ZC3H11A: variants seen among roughly 807,000 people sequenced by gnomAD.
The protein encoded by ZC3H11A is zinc finger CCCH domain-containing protein 11A.
A neutral mutation model predicts 90.8 loss-of-function variants in ZC3H11A; 22 were observed. That is an observed-to-expected ratio of 0.24 (90% CI 0.17 to 0.35). The LOEUF (loss-of-function observed/expected upper bound fraction) is 0.35, where lower values mean the gene tolerates loss of function less well. Ranked by LOEUF, ZC3H11A falls within the 10% of genes least tolerant of loss-of-function variation. ZC3H11A has a pLI of 1.00. For missense variants in ZC3H11A, 701 were observed against 964.9 expected, an observed-to-expected ratio of 0.73 and a Z score of 3.62; for synonymous variants, 294 against 339.8, an observed-to-expected ratio of 0.87 and a Z score of 1.48.
chr1:203,831,638 G>A, intron 8 of ZC3H11A, 23 bp from the exon 9 acceptor site: 2 of 1,593,854 alleles, frequency 1.3e-6, no homozygotes, highest in Non-Finnish European at 1.7e-6. Context: ...ATTATTTGCT[G>A]TTCTTTGACT....
At chr1:203,834,183 G>GT (rs1281911934) in intron 10 of ZC3H11A, 11 of 621,524 alleles carry the variant, frequency 1.8e-5, no homozygotes, top group Non-Finnish European at 2.2e-5. Flanking sequence ...AATATAATGT[G>GT]TGTCTCTTAG....
chr1:203,818,075 G>A (rs12049605), intron 3 of ZC3H11A, among the ~76,000 whole-genome samples: 28,917 of 152,014 alleles, frequency 0.19, 3,401 homozygotes, highest in East Asian at 0.45. Flanking sequence ...TGAGTTTTGA[G>A]CAAAGCTGTG....
chr1:203,798,068 T>G, intron 1 of ZC3H11A: 1 of 1,536,078 alleles, frequency 6.5e-7, no homozygotes. Context: ...GGCATTCACC[T>G]CATTGGACCA....
intron 16 of ZC3H11A, 28 bp from the exon 17 acceptor site, chr1:203,851,029 C>G (rs1392072529): frequency 6.2e-7 from 1 of 1,611,304 alleles, no homozygotes; most frequent in South Asian, 1.1e-5. Flanking sequence ...CTGACTCTCA[C>G]TGAATTACCT....
chr1:203,810,273 G>T (rs981019334), intron 2 of ZC3H11A, among the ~76,000 whole-genome samples: 2 of 151,902 alleles, frequency 1.3e-5, no homozygotes, highest in African/African-American at 4.8e-5. Flanking sequence ...ACTGCACCTG[G>T]CCTTGCCGTT....
intron 8 of ZC3H11A, among the ~76,000 whole-genome samples, chr1:203,830,485 G>C (rs1026497443): frequency 2.8e-4 from 43 of 152,176 alleles, no homozygotes; most frequent in African/African-American, 9.7e-4. Flanking sequence ...TATTAATTCT[G>C]TAAGTTCTTA....
chr1:203,826,049 T>G (rs1680412750), intron 4 of ZC3H11A, among the ~76,000 whole-genome samples: 1 of 152,204 alleles, frequency 6.6e-6, no homozygotes, highest in South Asian at 2.1e-4. Context: ...ATGTAAAATT[T>G]AAGCAAAGGT....
rs1410268652 is a variant in ZC3H11A, at chr1:203,853,976, T to G, written c.*1577T>G. 1.3e-5 allele frequency: 2 copies of G among 152,686 alleles called. No homozygotes were observed. The highest frequency in any genetic ancestry group is 4.8e-5 in the African/African-American group (2 of 41,470). 9.5% of individuals were successfully genotyped at this position (152,686 alleles called of 1,614,324 possible). On this transcript the variant is annotated 3_prime_UTR_variant, in exon 18 of 18. Coordinates refer to ENST00000367210, the MANE Select transcript of ZC3H11A (RefSeq NM_001376342.1). The stretch of plus-strand genomic sequence containing the variant: ...AGGTCCCTTTTGTATATATTCTTTA[T>G]TCTTTTGCTTTTTTAAAAAATAATT...
Position 203,837,997 on chromosome 1 carries a change from C to T in ZC3H11A, c.906C>T (p.Ser302=), listed in dbSNP as rs1466909327. The change falls in exon 11 of 18, where the codon AGC becomes AGT. Residue 302 remains serine, a synonymous_variant. Coordinates refer to ENST00000367210, the MANE Select transcript of ZC3H11A (RefSeq NM_001376342.1). ...ACAGTGATCCTCCATTAAAGCGTAGCCTGGCACAGAGGCTAGGGAAGAAAG... is the reference window on the plus strand; with the variant it reads ...ACAGTGATCCTCCATTAAAGCGTAGTCTGGCACAGAGGCTAGGGAAGAAAG... ...GGDSDPPLKR[S]LAQRLGKKVE... is the part of the protein sequence containing the mutation. The T allele has an allele frequency of 1.2e-6, 2 of 1,614,006 alleles. No individual in the cohort carries two copies. Among genetic ancestry groups the T allele is most frequent in the African/African-American group, 2.7e-5 (2 of 74,914 alleles).
At chr1:203,845,789 A>C (rs954735772) in intron 12 of ZC3H11A, among the ~76,000 whole-genome samples, 5 of 152,098 alleles carry the variant, frequency 3.3e-5, no homozygotes. Context: ...ACTTGAACCC[A>C]GGAGATGTAG....
chr1:203,839,447 AAGAAT>A (rs1200029655), intron 11 of ZC3H11A, among the ~76,000 whole-genome samples: 1 of 149,910 alleles, frequency 6.7e-6, no homozygotes, highest in Non-Finnish European at 1.5e-5. Flanking sequence ...TAAATTATTA[AAGAAT>A]AGGTGTTTTT....
In ZC3H11A at chr1:203,852,267, C is replaced by G; in HGVS notation, c.2301C>G (p.Leu767=). 1 of 1,613,698 alleles carries G rather than the reference C, an allele frequency of 6.2e-7. No individual in the cohort carries two copies. The highest frequency in any genetic ancestry group is 8.5e-7 in the Non-Finnish European group (1 of 1,179,828). ...LSSASTGKPP[L]SVEDDFEKLI... is the part of the protein sequence containing the mutation. ...CTGCCTCAACAGGAAAGCCCCCACT[C>G]TCTGTGGAGGATGATTTTGAGAAAC... Residue 767 remains leucine (L), a synonymous_variant, in exon 18 of 18, where the codon CTC becomes CTG. Coordinates refer to ENST00000367210, the MANE Select transcript of ZC3H11A (RefSeq NM_001376342.1).
chr1:203,816,150 C>G (rs911171836), intron 2 of ZC3H11A, among the ~76,000 whole-genome samples: 1 of 152,224 alleles, frequency 6.6e-6, no homozygotes, highest in East Asian at 1.9e-4. Context: ...AATAAAAATG[C>G]TTGTGAAAAT....
At chr1:203,806,294 T>G (rs913517380) in intron 2 of ZC3H11A, 1 of 231,694 alleles carries the variant, frequency 4.3e-6, no homozygotes, top group South Asian at 4.9e-5. Context: ...CCCATACACC[T>G]TTTTTTCTTT....
intron 4 of ZC3H11A, among the ~76,000 whole-genome samples, chr1:203,821,794 A>G (rs1465139870): frequency 8.1e-5 from 12 of 148,452 alleles, no homozygotes; most frequent in East Asian, 2.0e-4. Context: ...GTCTTGCTCT[A>G]TCACCCAGGC....
Position 203,828,314 on chromosome 1 carries a change from A to G in ZC3H11A, c.190A>G (p.Ile64Val), listed in dbSNP as rs1195780929. Reference sequence around the variant, plus strand: ...CCTCTTACAGAAAAAACGCAGTGAAATTCCTTGTTATTGGGAAAATCAGCC... The same window carrying G: ...CCTCTTACAGAAAAAACGCAGTGAAGTTCCTTGTTATTGGGAAAATCAGCC... The part of the protein sequence containing the change: ...HMEIDKKRSE[I>V]PCYWENQPTG... The change falls in exon 5 of 18, where the codon ATT becomes GTT. Residue 64 changes from isoleucine to valine, a missense_variant. Transcript: ENST00000367210. 6.2e-7 allele frequency: 1 copy of G among 1,613,992 alleles called. No individual in the cohort carries two copies. Among genetic ancestry groups the G allele is most frequent in the Non-Finnish European group, 8.5e-7 (1 of 1,179,982 alleles).
At chr1:203,823,017 A>G (rs1411170131) in intron 4 of ZC3H11A, among the ~76,000 whole-genome samples, 1 of 152,214 alleles carries the variant, frequency 6.6e-6, no homozygotes, top group East Asian at 1.9e-4. Context: ...TGCAAATAGC[A>G]GCAGATATCA....
At chr1:203,812,237 T>C (rs1674727595) in intron 2 of ZC3H11A, among the ~76,000 whole-genome samples, 1 of 152,166 alleles carries the variant, frequency 6.6e-6, no homozygotes, top group South Asian at 2.1e-4. Flanking sequence ...TTAAGCCTAG[T>C]ATCTATTAGT....
At chr1:203,805,911 C>G (rs958811989) in intron 2 of ZC3H11A, 2 of 678,836 alleles carry the variant, frequency 2.9e-6, no homozygotes, top group South Asian at 1.4e-5. Context: ...TTTTCACTTG[C>G]TTGTCTACCT....
Sources: gnomAD v4.1 joint callset for allele counts (sites outside exome capture counted in the v4.1 genomes callset) on GRCh38, gnomAD v4.1.1 for gene constraint, MANE v1.5 for transcripts, NCBI Gene and HGNC (gene_info 2026-07-23, HGNC 2026-07-21) for gene names.